The following LDB2 variants were observed in gnomAD, a reference collection of about 807,000 sequenced individuals.
The protein encoded by LDB2 is LIM domain binding 2, also known as LIM domain-binding protein 2.
A neutral mutation model predicts 44.3 loss-of-function variants in LDB2; 12 were observed. The observed-to-expected ratio is 0.27, with a 90% CI of 0.17 to 0.44. The LOEUF is 0.44. Ranked by LOEUF, LDB2 falls within the 20% of genes least tolerant of loss-of-function variation. The pLI, the probability that LDB2 is intolerant of heterozygous loss-of-function variation, is 1.00. For synonymous variants in LDB2, 164 were observed against 174.8 expected, an observed-to-expected ratio of 0.94 and a Z score of 0.49; for missense variants, 344 against 473.5, an observed-to-expected ratio of 0.73 and a Z score of 2.54.
intron 3 of LDB2, among the ~76,000 whole-genome samples, chr4:16,594,598 C>T (rs781251150): frequency 3.3e-5 from 5 of 152,142 alleles, no homozygotes; most frequent in Non-Finnish European, 5.9e-5. Context: ...CCTTTGGTTT[C>T]GTACACCAGC....
chr4:16,864,850 A>C (rs1332727358), intron 1 of LDB2, among the ~76,000 whole-genome samples: 1 of 151,200 alleles, frequency 6.6e-6, no homozygotes, highest in African/African-American at 2.4e-5. Context: ...ACTTGAACCC[A>C]GGGGGCAGAG....
intron 2 of LDB2, among the ~76,000 whole-genome samples, chr4:16,737,870 A>C (rs965135153): frequency 1.3e-5 from 2 of 152,208 alleles, no homozygotes; most frequent in Non-Finnish European, 2.9e-5. Flanking sequence ...TCTTCAATGA[A>C]CATATATATG....
At chr4:16,813,999 G>A (rs1393389873) in intron 1 of LDB2, among the ~76,000 whole-genome samples, 1 of 151,852 alleles carries the variant, frequency 6.6e-6, no homozygotes, top group East Asian at 1.9e-4. Context: ...AGCCTCCCGA[G>A]TAGCTGGGAC....
intron 2 of LDB2, among the ~76,000 whole-genome samples, chr4:16,641,892 G>A (rs1315275268): frequency 6.6e-6 from 1 of 152,098 alleles, no homozygotes; most frequent in East Asian, 1.9e-4. Flanking sequence ...GCCTTAATAT[G>A]AAAGAACATT....
Position 16,615,498 on chromosome 4 carries a change from C to G in LDB2, c.236-19623G>C, listed in dbSNP as rs1309008669. 2.0e-5 allele frequency among the ~76,000 whole-genome samples: 3 copies of G among 152,208 alleles called. No individual in the cohort carries two copies. The East Asian group carries it at 5.8e-4, about 30-fold the overall frequency. ...GAAGCCATCAACCTCAGGAAACTAA[C>G]ACAGGAACAGAAAACCAAACACCAC... On this transcript the variant is annotated intron_variant, in intron 2 of 7. Transcript: ENST00000304523.
At chr4:16,789,935 A>T (rs936749821) in intron 1 of LDB2, among the ~76,000 whole-genome samples, 1 of 152,224 alleles carries the variant, frequency 6.6e-6, no homozygotes, top group Non-Finnish European at 1.5e-5. Context: ...CCACCTCAAA[A>T]CAAAAACAAA....
chr4:16,574,703 C>G (rs569705668), intron 5 of LDB2, among the ~76,000 whole-genome samples: 18 of 152,296 alleles, frequency 1.2e-4, no homozygotes, highest in African/African-American at 4.1e-4. Context: ...CAAGTTGAGT[C>G]CTGATCTGCT....
intron 1 of LDB2, among the ~76,000 whole-genome samples, chr4:16,863,582 T>C (rs1219569484): frequency 6.6e-6 from 1 of 151,016 alleles, no homozygotes; most frequent in African/African-American, 2.4e-5. Context: ...CTGAGTTTTA[T>C]ACAACAGAGG....
chr4:16,691,974 T>C (rs1415448503), intron 2 of LDB2, among the ~76,000 whole-genome samples: 2 of 152,192 alleles, frequency 1.3e-5, no homozygotes, highest in Non-Finnish European at 1.5e-5. Flanking sequence ...TACACAAAGT[T>C]GAATGCCTGA....
At chr4:16,637,563 TCAA>T (rs1174236532) in intron 2 of LDB2, among the ~76,000 whole-genome samples, 2 of 151,958 alleles carry the variant, frequency 1.3e-5, no homozygotes, top group African/African-American at 4.8e-5. Context: ...TAAAACGGAC[TCAA>T]CAACAAGCAG....
intron 5 of LDB2, among the ~76,000 whole-genome samples, chr4:16,524,350 C>T (rs1435663673): frequency 6.6e-6 from 1 of 152,102 alleles, no homozygotes; most frequent in Non-Finnish European, 1.5e-5. Flanking sequence ...CAAAGCGTGT[C>T]AGGAAGGGCT....
Position 16,821,791 on chromosome 4 carries a change from G to T in LDB2, c.133-62531C>A, listed in dbSNP as rs574867307. ...AAAAATCAGGAATTTATAAGGTAAA[G>T]CCACTGGGCAAATCGCCCAGGTTCT... On this transcript the variant is annotated intron_variant, in intron 1 of 7. Coordinates refer to ENST00000304523, the MANE Select transcript of LDB2 (RefSeq NM_001290.5). Among the ~76,000 whole-genome samples, 11 of 117,946 alleles carry T rather than the reference G, an allele frequency of 9.3e-5. No individual in the cohort carries two copies. In the South Asian group the frequency reaches 2.9e-3, roughly 31 times the overall value. The allele number at this position is 117,946 out of a possible 152,430, so 77.4% of individuals were successfully genotyped here. A position where few individuals can be genotyped will look rare whatever the true frequency, so the allele number is the denominator to read the frequency against.
At chr4:16,628,198 A>G (rs1284333384) in intron 2 of LDB2, among the ~76,000 whole-genome samples, 1 of 152,232 alleles carries the variant, frequency 6.6e-6, no homozygotes, top group Non-Finnish European at 1.5e-5. Flanking sequence ...CTCTGTGTGA[A>G]TCAGAAATAT....
chr4:16,754,792 A>G (rs1766179110), intron 2 of LDB2, among the ~76,000 whole-genome samples: 1 of 152,148 alleles, frequency 6.6e-6, no homozygotes, highest in Non-Finnish European at 1.5e-5. Context: ...TTGGCCTCCT[A>G]AAGTGCTGGG....
In LDB2 at chr4:16,714,572, G is replaced by A. The variant is rs761675710; in HGVS notation, c.235+44586C>T. ...TCTTTAAAGTCCTTCTCTTCTACTTGAGTCTATGAAACAGCCCAGCCTGGT... is the reference window on the plus strand; with the variant it reads ...TCTTTAAAGTCCTTCTCTTCTACTTAAGTCTATGAAACAGCCCAGCCTGGT... On this transcript the variant is annotated intron_variant, in intron 2 of 7. Coordinates refer to ENST00000304523, the MANE Select transcript of LDB2 (RefSeq NM_001290.5). Among the ~76,000 whole-genome samples, 63 of 152,226 alleles carry A rather than the reference G, an allele frequency of 4.1e-4. 1 individual carries two copies. Among genetic ancestry groups the A allele is most frequent in the Non-Finnish European group, 7.2e-4 (49 of 68,014 alleles).
chr4:16,827,121 A>G (rs1783195864), intron 1 of LDB2, among the ~76,000 whole-genome samples: 1 of 152,164 alleles, frequency 6.6e-6, no homozygotes, highest in South Asian at 2.1e-4. Context: ...TGCTGGTAAA[A>G]TACAAAAACA....
intron 2 of LDB2, among the ~76,000 whole-genome samples, chr4:16,740,512 T>C (rs1195954122): frequency 6.6e-6 from 1 of 152,210 alleles, no homozygotes; most frequent in East Asian, 1.9e-4. Context: ...TCCATATCCT[T>C]TGCCCTTCCT....
intron 2 of LDB2, among the ~76,000 whole-genome samples, chr4:16,758,041 C>G (rs992011303): frequency 6.6e-6 from 1 of 152,186 alleles, no homozygotes; most frequent in African/African-American, 2.4e-5. Context: ...CCACTCCGGG[C>G]TGCTCCTCCC....
chr4:16,586,517 C>CAAAAA (rs1459809175), intron 4 of LDB2, among the ~76,000 whole-genome samples: 2 of 85,102 alleles, frequency 2.4e-5, no homozygotes, highest in African/African-American at 8.8e-5. Context: ...CACACACACA[C>CAAAAA]ACACACACAA....
Sources: gnomAD v4.1 joint callset for allele counts (sites outside exome capture counted in the v4.1 genomes callset) on GRCh38, gnomAD v4.1.1 for gene constraint, MANE v1.5 for transcripts, NCBI Gene and HGNC (gene_info 2026-07-23, HGNC 2026-07-21) for gene names.